MPC1: variants seen among roughly 807,000 people sequenced by gnomAD.
MPC1 encodes HSPC040 protein.
A neutral mutation model predicts 13.9 loss-of-function variants in MPC1; 6 were observed. That is an observed-to-expected ratio of 0.43 (90% confidence interval 0.24 to 0.85). MPC1 has a LOEUF of 0.85. Among genes scored for constraint, MPC1 ranks in the 40% least tolerant of loss-of-function variants. The pLI is 0.24. For missense variants in MPC1, 115 were observed against 143.3 expected, an observed-to-expected ratio of 0.80 and a Z score of 1.01; for synonymous variants, 47 against 50.5, an observed-to-expected ratio of 0.93 and a Z score of 0.29.
At chr6:166,369,030 G>T in intron 2 of MPC1, 2 of 726,402 alleles carry the variant, frequency 2.8e-6, no homozygotes, top group Non-Finnish European at 3.4e-6. Context: ...CATAGGTGGG[G>T]CTAAAGCAGA....
chr6:166,366,985 A>G, intron 2 of MPC1, 94 bp from the exon 3 acceptor site: 1 of 1,593,248 alleles, frequency 6.3e-7, no homozygotes, highest in Non-Finnish European at 8.6e-7. Flanking sequence ...TAATCACGTG[A>G]AACTCGTGAG....
Position 166,365,487 on chromosome 6 carries a change from A to C in MPC1, c.306-34T>G. The stretch of plus-strand genomic sequence containing the variant: ...AAACAAAAAGAAAAATTCAATGAGA[A>C]ACAAAATTTCAATGCCAATCGCAAG... On this transcript the variant is annotated intron_variant, in intron 4 of 4. Transcript: ENST00000360961. The surrounding 1 kb of genome is among the most constrained non-coding windows in gnomAD (Gnocchi z 4.2). 6.4e-7 allele frequency: 1 copy of C among 1,553,724 alleles called. No homozygotes were observed. Among genetic ancestry groups the C allele is most frequent in the Non-Finnish European group, 8.7e-7 (1 of 1,148,672 alleles).
intron 1 of MPC1, among the ~76,000 whole-genome samples, chr6:166,376,336 A>G (rs1459298585): frequency 6.6e-6 from 1 of 152,218 alleles, no homozygotes; most frequent in African/African-American, 2.4e-5. Flanking sequence ...CCGAGGCTAA[A>G]GGCCCTGAGA....
At chr6:166,377,147 C>CTTT (rs34639126) in intron 1 of MPC1, among the ~76,000 whole-genome samples, 12 of 138,326 alleles carry the variant, frequency 8.7e-5, no homozygotes, top group Non-Finnish European at 1.1e-4. Context: ...ATTATTTATT[C>CTTT]TTTTTTTTTT....
intron 1 of MPC1, among the ~76,000 whole-genome samples, chr6:166,375,158 T>C (rs555579738): frequency 6.6e-6 from 1 of 152,268 alleles, no homozygotes; most frequent in African/African-American, 2.4e-5. Context: ...AGTGATTAGG[T>C]GGGATGACTA....
rs1243677159 is a variant in MPC1, at chr6:166,382,786, C to A, written c.71+20G>T. The A allele has an allele frequency of 2.5e-6, 4 of 1,572,540 alleles. No individual in the cohort carries two copies. Among genetic ancestry groups the A allele is most frequent in the Non-Finnish European group, 3.4e-6 (4 of 1,161,746 alleles). ...GGGAGCCCCTCCGGGTTGCGGGGTT[C>A]GGCCTGCGGCGCTCGTCACCTCATG... On this transcript the variant is annotated intron_variant, in intron 1 of 4. Transcript: ENST00000360961.
At chr6:166,373,764 C>T (rs1355369085) in intron 1 of MPC1, among the ~76,000 whole-genome samples, 2 of 152,192 alleles carry the variant, frequency 1.3e-5, no homozygotes, top group African/African-American at 2.4e-5. Flanking sequence ...CCTTTGTCAG[C>T]GTTCTGCCTT....
Position 166,365,988 on chromosome 6 carries a change from C to G in MPC1, c.291G>C (p.Arg97=). 1.2e-6 allele frequency: 2 copies of G among 1,613,212 alleles called. No homozygotes were observed. Among genetic ancestry groups the G allele is most frequent in the Admixed American group, 1.7e-5 (1 of 59,908 alleles). Residue 97 remains arginine (R), a synonymous_variant, in exon 4 of 5, where the codon CGG becomes CGC. Transcript: ENST00000360961. The surrounding 1 kb of genome is among the most constrained non-coding windows in gnomAD (Gnocchi z 4.2). ...AATCTGCTTACTCGTGTTTGATAAG[C>G]CGCCCTCCCTGGATGAGCTGGGCTA... ...NEVAQLIQGG[R]LIKHEMTKTA... is the part of the protein sequence containing the mutation.
At position 166,365,825 on chromosome 6, in the gene MPC1, T is replaced by C. The variant is rs887043034; in HGVS notation, c.305+149A>G. The C allele has an allele frequency of 9.4e-6, 10 of 1,062,592 alleles. No homozygotes were observed. The highest frequency in any genetic ancestry group is 1.3e-5 in the Non-Finnish European group (10 of 765,838). 65.8% of individuals were successfully genotyped at this position (1,062,592 alleles called of 1,614,324 possible). ...CCTGTATCCTAGTTCATGTTAACTT[T>C]CATGGTTTAGTAAGTTGTTTCCCCA... On this transcript the variant is annotated intron_variant, in intron 4 of 4. Transcript: ENST00000360961. This position sits in a 1 kb window ranked among gnomAD's most constrained non-coding sequence, Gnocchi z 4.2.
At position 166,382,656 on chromosome 6, in the gene MPC1, C is replaced by A. The variant is rs1024186473; in HGVS notation, c.71+150G>T. The A allele has an allele frequency of 1.1e-4, 88 of 772,380 alleles. 1 individual carries two copies. In the Admixed American group the frequency reaches 3.7e-3, roughly 32 times the overall value. 47.8% of individuals were successfully genotyped at this position (772,380 alleles called of 1,614,324 possible). A position where few individuals can be genotyped will look rare whatever the true frequency, so the allele number is the denominator to read the frequency against. ...CCGGGAGGGATCCGGGTGGGGCCCC[C>A]CTGACAAGCGCACCCTCTCGCCTGG... On this transcript the variant is annotated intron_variant, in intron 1 of 4. Transcript: ENST00000360961.
At chr6:166,382,747 G>T (rs1273650939) in intron 1 of MPC1, 59 bp downstream of exon 1, 4 of 1,508,762 alleles carry the variant, frequency 2.7e-6, no homozygotes, top group East Asian at 2.7e-5. Flanking sequence ...GGACTGCACG[G>T]GTCGCAGCCT....
At chr6:166,372,947 A>G (rs1779432891) in intron 1 of MPC1, among the ~76,000 whole-genome samples, 1 of 152,214 alleles carries the variant, frequency 6.6e-6, no homozygotes, top group South Asian at 2.1e-4. Context: ...AGGAGAAACT[A>G]TATTTCCAGT....
At chr6:166,366,346 A>C (rs1273199049) in intron 3 of MPC1, among the ~76,000 whole-genome samples, 1 of 152,222 alleles carries the variant, frequency 6.6e-6, no homozygotes, top group Non-Finnish European at 1.5e-5. Flanking sequence ...ATTTCCGAGC[A>C]AGAGTAGGCT....
At chr6:166,378,573 A>C (rs1779655928) in intron 1 of MPC1, among the ~76,000 whole-genome samples, 1 of 152,176 alleles carries the variant, frequency 6.6e-6, no homozygotes, top group Admixed American at 6.6e-5. Flanking sequence ...TGCTTATTCT[A>C]ATTTATTCTT....
chr6:166,370,434 A>C, intron 1 of MPC1: 1 of 527,636 alleles, frequency 1.9e-6, no homozygotes, highest in Non-Finnish European at 3.3e-6. Context: ...ACTTCATGAA[A>C]TTAGATCTTA....
intron 2 of MPC1, among the ~76,000 whole-genome samples, chr6:166,369,636 T>C (rs925241562): frequency 2.7e-4 from 41 of 152,234 alleles, no homozygotes; most frequent in Admixed American, 2.6e-4. Flanking sequence ...AGTACAATAT[T>C]CTAGTTCTCT....
rs1192186295 is a variant in MPC1 at position 166,365,992 on chromosome 6, C to T, written c.287G>A (p.Gly96Glu). Residue 96 changes from glycine to glutamate, a missense_variant, in exon 4 of 5, where the codon GGG (glycine) becomes GAG (glutamate). Physicochemically the swap from Gly to Glu is moderately conservative, Grantham distance 98 (BLOSUM62 -2). Transcript: ENST00000360961. The surrounding 1 kb of genome is among the most constrained non-coding windows in gnomAD (Gnocchi z 4.2). ...TNEVAQLIQG[G>E]RLIKHEMTKT... is the part of the protein sequence containing the mutation. ...TGCTTACTCGTGTTTGATAAGCCGC[C>T]CTCCCTGGATGAGCTGGGCTACTTC... 1 of 1,613,342 alleles carries T rather than the reference C, an allele frequency of 6.2e-7. No homozygotes were observed. Among genetic ancestry groups the T allele is most frequent in the Non-Finnish European group, 8.5e-7 (1 of 1,179,480 alleles).
intron 1 of MPC1, among the ~76,000 whole-genome samples, chr6:166,380,323 G>C (rs534284640): frequency 6.6e-6 from 1 of 152,236 alleles, no homozygotes; most frequent in East Asian, 1.9e-4. Context: ...AAGTCTGCTG[G>C]GATCAACTTG....
intron 1 of MPC1, 119 bp downstream of exon 1, chr6:166,382,687 G>T: frequency 9.3e-7 from 1 of 1,071,880 alleles, no homozygotes; most frequent in Non-Finnish European, 1.3e-6. Flanking sequence ...CCTGGGCCCC[G>T]GCCCACCCGC....
Sources: gnomAD v4.1 joint callset for allele counts (sites outside exome capture counted in the v4.1 genomes callset) on GRCh38, gnomAD v4.1.1 for gene constraint, Gnocchi (gnomAD v3.1) non-coding constraint, MANE v1.5 for transcripts, NCBI Gene and HGNC (gene_info 2026-07-23, HGNC 2026-07-21) for gene names.